CPEB1: variants seen among roughly 807,000 people sequenced by gnomAD.
CPEB1 encodes the protein cytoplasmic polyadenylation element binding protein 1.
Under a neutral mutation model 65.8 loss-of-function variants are expected in CPEB1, and 7 were observed. The observed-to-expected ratio is 0.11, with a 90% CI of 0.06 to 0.20. The LOEUF (loss-of-function observed/expected upper bound fraction) is 0.20. CPEB1 is among the 10% of genes least tolerant of loss of function. CPEB1 has a pLI of 1.00. For synonymous variants in CPEB1, 262 were observed against 260.0 expected (o/e 1.01, Z -0.08); for missense variants, 551 against 712.2 (o/e 0.77, Z 2.58).
chr15:82,617,310 T>C (rs1490960145), intron 3 of CPEB1, among the ~76,000 whole-genome samples: 1 of 152,254 alleles, frequency 6.6e-6, no homozygotes, highest in African/African-American at 2.4e-5. Context: ...GATGGACATC[T>C]GGGTTGTTTC....
intron 3 of CPEB1, among the ~76,000 whole-genome samples, chr15:82,572,625 A>T (rs900664127): frequency 1.3e-5 from 2 of 152,164 alleles, no homozygotes; most frequent in African/African-American, 4.8e-5. Context: ...CATCTGACAA[A>T]CCAAGAGAAA....
chr15:82,549,390 G>A, intron 10 of CPEB1, 70 bp downstream of exon 10: 1 of 1,517,298 alleles, frequency 6.6e-7, no homozygotes, highest in Non-Finnish European at 9.1e-7. Context: ...ACTCCCATGG[G>A]GAAGTATCAC....
chr15:82,631,158 T>C (rs2046213845), intron 1 of CPEB1, among the ~76,000 whole-genome samples: 1 of 152,096 alleles, frequency 6.6e-6, no homozygotes, highest in Non-Finnish European at 1.5e-5. Context: ...GAAATCTTAC[T>C]ATTTCAAGGA....
chr15:82,644,301 C>A (rs1209805280), intron 1 of CPEB1, among the ~76,000 whole-genome samples: 1 of 152,202 alleles, frequency 6.6e-6, no homozygotes, highest in Non-Finnish European at 1.5e-5. Flanking sequence ...ATGTACGCCA[C>A]CAATAACCCC....
chr15:82,631,299 A>G (rs2046222562), intron 1 of CPEB1, among the ~76,000 whole-genome samples: 1 of 152,204 alleles, frequency 6.6e-6, no homozygotes. Context: ...CTTCTCTCAC[A>G]TACATCAAGC....
intron 1 of CPEB1, among the ~76,000 whole-genome samples, chr15:82,636,055 T>C (rs1313221587): frequency 6.6e-6 from 1 of 152,116 alleles, no homozygotes; most frequent in Non-Finnish European, 1.5e-5. Context: ...ATCACCTGAC[T>C]TTCCTCTCTT....
Position 82,609,114 on chromosome 15 carries a change from G to A in CPEB1, c.271+18079C>T, listed in dbSNP as rs539494968. Among the ~76,000 whole-genome samples, 5 of 152,230 alleles carry A rather than the reference G, an allele frequency of 3.3e-5. No homozygotes were observed. In the South Asian group the frequency reaches 1.0e-3, roughly 32 times the overall value. On this transcript the variant is annotated intron_variant, in intron 3 of 12. Transcript: ENST00000684509. ...AATGGATCGAAGAAGAAATCACAGG[G>A]CAATGAGAAAATACTTTGAGATAAA... is the stretch of plus-strand genomic sequence containing the variant.
At chr15:82,601,706 T>G (rs1179814589) in intron 3 of CPEB1, among the ~76,000 whole-genome samples, 1 of 152,212 alleles carries the variant, frequency 6.6e-6, no homozygotes, top group Admixed American at 6.5e-5. Context: ...GATATGCCAT[T>G]CAAGCACCAA....
At chr15:82,647,790 G>C (rs1449463596), upstream of CPEB1, 14 of 1,245,038 alleles carry the variant, frequency 1.1e-5, no homozygotes, top group Non-Finnish European at 1.3e-5. Flanking sequence ...ACCCGGCTGC[G>C]CGCGGACCGT....
intron 4 of CPEB1, among the ~76,000 whole-genome samples, chr15:82,562,883 C>T (rs1478591224): frequency 6.6e-6 from 1 of 150,418 alleles, no homozygotes; most frequent in Non-Finnish European, 1.5e-5. Flanking sequence ...AGTTCTCACA[C>T]TAAAATGGTA....
intron 10 of CPEB1, among the ~76,000 whole-genome samples, 189 bp from the exon 11 acceptor site, chr15:82,547,426 A>T (rs1349193460): frequency 6.7e-6 from 1 of 149,270 alleles, no homozygotes; most frequent in Non-Finnish European, 1.5e-5. Context: ...CCTCCCGAGT[A>T]GCTGGGACTA....
At chr15:82,557,565 T>G (rs991201352) in intron 5 of CPEB1, 195 bp downstream of exon 5, 6 of 560,976 alleles carry the variant, frequency 1.1e-5, no homozygotes, top group Non-Finnish European at 1.9e-5. Flanking sequence ...GCTCAATGGG[T>G]CTTCAAAGCA....
chr15:82,616,526 CCT>C (rs2044727238), intron 3 of CPEB1, among the ~76,000 whole-genome samples: 2 of 151,368 alleles, frequency 1.3e-5, no homozygotes, highest in African/African-American at 4.9e-5. Flanking sequence ...ATTTTACATT[CCT>C]CTTTTTAAAT....
chr15:82,553,351 G>A (rs2036608407), intron 8 of CPEB1, 116 bp downstream of exon 8: 3 of 727,136 alleles, frequency 4.1e-6, no homozygotes, highest in East Asian at 5.3e-5. Flanking sequence ...GCCCTGGAGT[G>A]CCCACCATGT....
At chr15:82,547,926 G>A (rs1046821472) in intron 10 of CPEB1, among the ~76,000 whole-genome samples, 1 of 151,710 alleles carries the variant, frequency 6.6e-6, no homozygotes, top group African/African-American at 2.4e-5. Flanking sequence ...GCCCCACCTC[G>A]GCCTCCCAAA....
At chr15:82,586,652 T>A (rs1353003415) in intron 3 of CPEB1, among the ~76,000 whole-genome samples, 2 of 152,222 alleles carry the variant, frequency 1.3e-5, no homozygotes, top group Non-Finnish European at 2.9e-5. Context: ...CACCTACAGT[T>A]AGTTTGTATT....
intron 5 of CPEB1, chr15:82,556,656 T>A (rs535366772): frequency 4.1e-4 from 63 of 152,792 alleles, no homozygotes; most frequent in Non-Finnish European, 4.5e-4. Context: ...CAGAATATTT[T>A]AAAATCCCCA....
At chr15:82,571,907 A>G in intron 3 of CPEB1, 1 of 967,650 alleles carries the variant, frequency 1.0e-6, no homozygotes, top group Non-Finnish European at 1.2e-6. Flanking sequence ...CTTGCCTCCC[A>G]GGGAAAGACA....
intron 5 of CPEB1, among the ~76,000 whole-genome samples, chr15:82,556,798 G>A (rs923533117): frequency 5.9e-5 from 9 of 152,284 alleles, no homozygotes; most frequent in Middle Eastern, 3.4e-3. Context: ...AAAGAGACCC[G>A]CATGTGACTG....
Sources: gnomAD v4.1 joint callset for allele counts (sites outside exome capture counted in the v4.1 genomes callset) on GRCh38, gnomAD v4.1.1 for gene constraint, MANE v1.5 for transcripts, NCBI Gene and HGNC (gene_info 2026-07-23, HGNC 2026-07-21) for gene names.